Variants in DYNC2H1 observed in about 807,000 individuals in gnomAD.
DYNC2H1 encodes dynein cytoplasmic 2 heavy chain 1.
Under a neutral mutation model 570.0 loss-of-function variants are expected in DYNC2H1, and 410 were observed. That is an observed-to-expected ratio of 0.72 (90% CI 0.66 to 0.78). The LOEUF is 0.78. Ranked by LOEUF, DYNC2H1 falls within the 30% of genes least tolerant of loss-of-function variation. DYNC2H1 has a pLI of 0.00. For synonymous variants in DYNC2H1, 1,688 were observed against 1,677.6 expected (o/e 1.01, Z -0.15); for missense variants, 4,865 against 5,046.4 (o/e 0.96, Z 1.09).
At chr11:103,392,678 CAAA>C (rs373959557) in intron 83 of DYNC2H1, among the ~76,000 whole-genome samples, 2 of 151,948 alleles carry the variant, frequency 1.3e-5, no homozygotes, top group Non-Finnish European at 2.9e-5. Flanking sequence ...TAAACCACAC[CAAA>C]AGGCATTTCA....
intron 82 of DYNC2H1, among the ~76,000 whole-genome samples, chr11:103,340,874 A>G (rs1939410220): frequency 1.3e-5 from 2 of 152,190 alleles, no homozygotes; most frequent in Non-Finnish European, 2.9e-5. Context: ...ATGGCATAAA[A>G]AAACAAATTA....
chr11:103,377,749 C>G (rs1484704727), intron 83 of DYNC2H1, among the ~76,000 whole-genome samples: 1 of 151,382 alleles, frequency 6.6e-6, no homozygotes, highest in African/African-American at 2.5e-5. Flanking sequence ...GTGAATATTG[C>G]TTCTTTTGAG....
intron 82 of DYNC2H1, among the ~76,000 whole-genome samples, chr11:103,343,433 G>A (rs313419): frequency 0.35 from 49,948 of 144,182 alleles, 9,700 homozygotes; most frequent in Non-Finnish European, 0.45. Context: ...TAAATTTCAG[G>A]ACTCTGTTCC....
In DYNC2H1 at chr11:103,249,407, A is replaced by G. The variant is rs1038317990; in HGVS notation, c.10043-3878A>G. 1.3e-5 allele frequency among the ~76,000 whole-genome samples: 2 copies of G among 151,988 alleles called. No homozygotes were observed. The highest frequency in any genetic ancestry group is 4.8e-5 in the African/African-American group (2 of 41,424). On this transcript the variant is annotated intron_variant, in intron 65 of 88. Transcript: ENST00000375735. The surrounding 1 kb of genome is among the most constrained non-coding windows in gnomAD (Gnocchi z 4.6). Reference sequence around the variant, plus strand: ...CGTAAAGAAAAGAATACCTAAATTTATAGCTAATGAATTTTTACAAATTGA... The same window carrying G: ...CGTAAAGAAAAGAATACCTAAATTTGTAGCTAATGAATTTTTACAAATTGA...
intron 88 of DYNC2H1, among the ~76,000 whole-genome samples, chr11:103,475,907 T>C (rs1179230213): frequency 1.3e-5 from 2 of 152,158 alleles, no homozygotes; most frequent in African/African-American, 2.4e-5. Context: ...AAACATTTCA[T>C]TGTGGTGTTT....
chr11:103,241,583 T>G lies in DYNC2H1; in HGVS notation c.9820-2110T>G, dbSNP rs201867718. 5 of 1,518,512 alleles carry G rather than the reference T, an allele frequency of 3.3e-6. No homozygotes were observed. The East Asian group carries it at 1.2e-4, about 35-fold the overall frequency. 94.1% of individuals were successfully genotyped at this position (1,518,512 alleles called of 1,614,324 possible). A position where few individuals can be genotyped will look rare whatever the true frequency, so the allele number is the denominator to read the frequency against. Reference sequence around the variant, plus strand: ...TTTAAAAATTTAAAATAATTACTTTTGTAGTTAGGCAAAATGCAGAATTGT... The same window carrying G: ...TTTAAAAATTTAAAATAATTACTTTGGTAGTTAGGCAAAATGCAGAATTGT... On this transcript the variant is annotated intron_variant, in intron 63 of 88. Coordinates refer to ENST00000375735, the MANE Select transcript of DYNC2H1 (RefSeq NM_001377.3). The surrounding 1 kb of genome is among the most constrained non-coding windows in gnomAD (Gnocchi z 5.1).
Position 103,189,043 on chromosome 11 carries a change from A to C in DYNC2H1, c.7292+395A>C, listed in dbSNP as rs866635399. ...AACAAGGGAGAATTAGGGTCATTTT[A>C]ATGGCTGGTGGCATCAATGCTAATC... On this transcript the variant is annotated intron_variant, in intron 44 of 88. Coordinates refer to ENST00000375735, the MANE Select transcript of DYNC2H1 (RefSeq NM_001377.3). The surrounding 1 kb of genome is among the most constrained non-coding windows in gnomAD (Gnocchi z 4.3). Among the ~76,000 whole-genome samples the C allele has an allele frequency of 3.3e-5, 5 of 152,092 alleles. No homozygotes were observed. Among genetic ancestry groups the C allele is most frequent in the Non-Finnish European group, 5.9e-5 (4 of 67,986 alleles).
At chr11:103,156,103 G>T (rs1428648847) in intron 25 of DYNC2H1, among the ~76,000 whole-genome samples, 1 of 152,008 alleles carries the variant, frequency 6.6e-6, no homozygotes, top group Non-Finnish European at 1.5e-5. Context: ...TTTTGTGATG[G>T]ATGCTTTAAT....
intron 40 of DYNC2H1, among the ~76,000 whole-genome samples, chr11:103,182,557 A>G (rs1161369485): frequency 2.0e-5 from 3 of 151,872 alleles, no homozygotes; most frequent in Non-Finnish European, 2.9e-5. Flanking sequence ...CAAACAGATA[A>G]CCACAATTTA....
At chr11:103,135,974 T>A in intron 17 of DYNC2H1, 26 bp downstream of exon 17, 1 of 1,486,278 alleles carries the variant, frequency 6.7e-7, no homozygotes. Flanking sequence ...TGTTCCATCC[T>A]TCCATCATAA....
intron 63 of DYNC2H1, among the ~76,000 whole-genome samples, chr11:103,238,790 A>T (rs762558179): frequency 2.0e-5 from 3 of 152,196 alleles, no homozygotes; most frequent in Admixed American, 6.6e-5. Flanking sequence ...ATCCTTACAT[A>T]CCCTTGGTCT....
chr11:103,312,455 T>G (rs1212623718), intron 79 of DYNC2H1, among the ~76,000 whole-genome samples: 1 of 143,388 alleles, frequency 7.0e-6, no homozygotes, highest in Non-Finnish European at 1.5e-5. Flanking sequence ...GGTAGGAGAA[T>G]TGCTTGAACC....
rs1410118194 is a variant in DYNC2H1, at chr11:103,252,935, A to G, written c.10043-350A>G. On this transcript the variant is annotated intron_variant, in intron 65 of 88. Transcript: ENST00000375735. This position sits in a 1 kb window ranked among gnomAD's most constrained non-coding sequence, Gnocchi z 4.6. ...CTTTTAAAATGATGAATTTAGAAGT[A>G]AAGAAAAAATATAATTGAGGATTTC... Among the ~76,000 whole-genome samples, 1 of 152,228 alleles carries G rather than the reference A, an allele frequency of 6.6e-6. No homozygotes were observed. The highest frequency in any genetic ancestry group is 6.5e-5 in the Admixed American group (1 of 15,282).
At chr11:103,147,552 C>T (rs1452216844) in intron 18 of DYNC2H1, among the ~76,000 whole-genome samples, 3 of 152,022 alleles carry the variant, frequency 2.0e-5, no homozygotes, top group Non-Finnish European at 4.4e-5. Flanking sequence ...GATGATTAAA[C>T]TTCTAGTATT....
chr11:103,170,034 A>T lies in DYNC2H1; in HGVS notation c.4969-74A>T. On this transcript the variant is annotated intron_variant, in intron 32 of 88. Coordinates refer to ENST00000375735, the MANE Select transcript of DYNC2H1 (RefSeq NM_001377.3). This position sits in a 1 kb window ranked among gnomAD's most constrained non-coding sequence, Gnocchi z 4.8. ...TTGCATTTTTATCTTTTTAACTACAATCTCATGCTGTAAAAATATTTGTAA... is the reference window on the plus strand; with the variant it reads ...TTGCATTTTTATCTTTTTAACTACATTCTCATGCTGTAAAAATATTTGTAA... The T allele has an allele frequency of 7.6e-7, 1 of 1,317,938 alleles. No homozygotes were observed. The highest frequency in any genetic ancestry group is 1.0e-6 in the Non-Finnish European group (1 of 988,940). The allele number at this position is 1,317,938 out of a possible 1,614,324, so 81.6% of individuals were successfully genotyped here. A position where few individuals can be genotyped will look rare whatever the true frequency, so the allele number is the denominator to read the frequency against.
chr11:103,176,141 G>A, intron 36 of DYNC2H1, 94 bp from the exon 37 acceptor site: 1 of 897,670 alleles, frequency 1.1e-6, no homozygotes, highest in Non-Finnish European at 1.6e-6. Flanking sequence ...TGCATTTAAT[G>A]ATTAATAATG....
At chr11:103,164,706 CTTAA>C (rs1713720420) in intron 30 of DYNC2H1, among the ~76,000 whole-genome samples, 1 of 152,166 alleles carries the variant, frequency 6.6e-6, no homozygotes, top group Non-Finnish European at 1.5e-5. Flanking sequence ...GCAGAGCACA[CTTAA>C]TTGTCATTAC....
At chr11:103,453,641 T>TAC (rs1555138110) in intron 85 of DYNC2H1, among the ~76,000 whole-genome samples, 37 of 93,222 alleles carry the variant, frequency 4.0e-4, no homozygotes, top group South Asian at 1.2e-3. Context: ...TATATATATA[T>TAC]ACACACATTC....
chr11:103,133,058 A>T lies in DYNC2H1; in HGVS notation c.1954-497A>T, dbSNP rs1278376803. ...TTTTACTTAGTCCCACTGAAACATTAGAAAGGGGTGATTTTCTCCTTGGTG... is the reference window on the plus strand; with the variant it reads ...TTTTACTTAGTCCCACTGAAACATTTGAAAGGGGTGATTTTCTCCTTGGTG... On this transcript the variant is annotated intron_variant, in intron 13 of 88. Transcript: ENST00000375735. This position sits in a 1 kb window ranked among gnomAD's most constrained non-coding sequence, Gnocchi z 4.8. Among the ~76,000 whole-genome samples the T allele has an allele frequency of 6.6e-6, 1 of 152,172 alleles. No homozygotes were observed. The highest frequency in any genetic ancestry group is 1.5e-5 in the Non-Finnish European group (1 of 68,028).
Sources: gnomAD v4.1 joint callset for allele counts (sites outside exome capture counted in the v4.1 genomes callset) on GRCh38, gnomAD v4.1.1 for gene constraint, Gnocchi (gnomAD v3.1) non-coding constraint, MANE v1.5 for transcripts, NCBI Gene and HGNC (gene_info 2026-07-23, HGNC 2026-07-21) for gene names.